RNF25: variants seen among roughly 807,000 people sequenced by gnomAD.
The protein encoded by RNF25 is E3 ubiquitin-protein ligase RNF25.
Under a neutral mutation model 65.0 loss-of-function variants are expected in RNF25, and 32 were observed. That is an observed-to-expected ratio of 0.49 (90% CI 0.37 to 0.66). RNF25 has a LOEUF of 0.66. Ranked by LOEUF, RNF25 falls within the 30% of genes least tolerant of loss-of-function variation. The probability of loss-of-function intolerance (pLI) is 0.00; values close to 1 mark genes in which losing one functional copy is unlikely to be tolerated. For missense variants in RNF25, 493 were observed against 584.8 expected (o/e 0.84, Z 1.62); for synonymous variants, 207 against 221.2 (o/e 0.94, Z 0.57).
Position 218,671,992 on chromosome 2 carries a change from G to T in RNF25, c.-22C>A. ...CCATATCTTCACCGGCCCGCAGCCG[G>T]AACCGGAAATGCCCTTAGGGAAGTC... On this transcript the variant is annotated 5_prime_UTR_variant, in exon 1 of 10. Coordinates refer to ENST00000295704, the MANE Select transcript of RNF25 (RefSeq NM_022453.3). 6.2e-7 allele frequency: 1 copy of T among 1,614,224 alleles called. No individual in the cohort carries two copies. Among genetic ancestry groups the T allele is most frequent in the Non-Finnish European group, 8.5e-7 (1 of 1,180,040 alleles).
rs773691382 is a variant in RNF25 at position 218,667,960 on chromosome 2, G to A, written c.309C>T (p.His103=). 81 of 1,614,084 alleles carry A rather than the reference G, an allele frequency of 5.0e-5. No homozygotes were observed. The highest frequency in any genetic ancestry group is 5.8e-5 in the Non-Finnish European group (69 of 1,180,042). Residue 103 remains histidine, a synonymous_variant, in exon 5 of 10, where the codon CAC becomes CAT. Coordinates refer to ENST00000295704, the MANE Select transcript of RNF25 (RefSeq NM_022453.3). ...CAGTGCCCAGCCCAGCCTTGGCCAC[G>A]TGGCCCAGCACCTGTAAGATCCTGG... ...QIHTILQVLG[H]VAKAGLGTAM...
intron 5 of RNF25, among the ~76,000 whole-genome samples, chr2:218,667,518 C>A (rs1266079023): frequency 6.6e-6 from 1 of 151,974 alleles, no homozygotes; most frequent in African/African-American, 2.4e-5. Flanking sequence ...GCCTGGCCAA[C>A]CATGACTTTT....
intron 7 of RNF25, 151 bp downstream of exon 7, chr2:218,665,765 C>G: frequency 1.9e-6 from 2 of 1,042,982 alleles, no homozygotes; most frequent in Non-Finnish European, 2.7e-6. Context: ...AAAGGATGCC[C>G]TTTATTCTGG....
Position 218,664,659 on chromosome 2 carries a change from C to A in RNF25, c.801+80G>T. The stretch of plus-strand genomic sequence containing the variant: ...TATCATCTTCCTGGTTAGAACAAAG[C>A]TCACTCTGGGGCCATGGCTGATTGG... On this transcript the variant is annotated intron_variant, in intron 9 of 9. Transcript: ENST00000295704. This position sits in a 1 kb window ranked among gnomAD's most constrained non-coding sequence, Gnocchi z 5.1. 6.3e-7 allele frequency: 1 copy of A among 1,597,284 alleles called. No individual in the cohort carries two copies. Among genetic ancestry groups the A allele is most frequent in the Admixed American group, 1.7e-5 (1 of 59,004 alleles).
intron 5 of RNF25, 114 bp downstream of exon 5, chr2:218,667,798 T>C: frequency 1.1e-6 from 1 of 932,634 alleles, no homozygotes; most frequent in Non-Finnish European, 1.6e-6. Context: ...AATTTAGGCC[T>C]TACCTAATGA....
intron 7 of RNF25, 90 bp downstream of exon 7, chr2:218,665,826 T>C (rs190718976): frequency 4.0e-6 from 6 of 1,503,148 alleles, no homozygotes; most frequent in Non-Finnish European, 4.5e-6. Context: ...CCTGAAAAAG[T>C]GAAGAGCCAC....
At chr2:218,668,395 TG>T in intron 2 of RNF25, 54 bp from the exon 3 acceptor site, 2 of 675,330 alleles carry the variant, frequency 3.0e-6, no homozygotes, top group Non-Finnish European at 2.4e-6. Flanking sequence ...GCTTGGGGGC[TG>T]GGGAGGATGG....
chr2:218,665,089 A>T, intron 8 of RNF25, 66 bp downstream of exon 8: 3 of 1,528,572 alleles, frequency 2.0e-6, no homozygotes, highest in Non-Finnish European at 1.8e-6. Flanking sequence ...CACAGACAAG[A>T]TGCCATTCCT....
At chr2:218,669,038 C>T (rs1224062674) in intron 1 of RNF25, among the ~76,000 whole-genome samples, 2 of 152,226 alleles carry the variant, frequency 1.3e-5, no homozygotes, top group African/African-American at 2.4e-5. Context: ...ATATGGCACT[C>T]ATTCATTAGC....
intron 5 of RNF25, 69 bp downstream of exon 5, chr2:218,667,843 T>C (rs1031236817): frequency 3.3e-5 from 47 of 1,421,596 alleles, no homozygotes; most frequent in African/African-American, 4.3e-5. Flanking sequence ...GCCCATGGTT[T>C]CCCTTTTACA....
chr2:218,671,365 T>C (rs1368594536), intron 1 of RNF25, among the ~76,000 whole-genome samples: 1 of 152,152 alleles, frequency 6.6e-6, no homozygotes, highest in Non-Finnish European at 1.5e-5. Context: ...ACATTGATCC[T>C]ACTTCCAAAT....
At chr2:218,670,222 G>A (rs1014723349) in intron 1 of RNF25, among the ~76,000 whole-genome samples, 8 of 142,910 alleles carry the variant, frequency 5.6e-5, no homozygotes, top group African/African-American at 2.2e-4. Context: ...AAAAAAAGAA[G>A]TTTCCCTGAA....
At position 218,666,072 on chromosome 2, in the gene RNF25, C is replaced by A. The variant is rs757490838; in HGVS notation, c.430-13G>T. The stretch of plus-strand genomic sequence containing the variant: ...AGGCCTCCTTCTCCTAGAGGGAAGG[C>A]AGATGTAGGGCACTAAGTCAGAGCT... On this transcript the variant is annotated splice_polypyrimidine_tract_variant and intron_variant, in intron 6 of 9. Coordinates refer to ENST00000295704, the MANE Select transcript of RNF25 (RefSeq NM_022453.3). The A allele has an allele frequency of 6.2e-7, 1 of 1,612,802 alleles. No individual in the cohort carries two copies. The highest frequency in any genetic ancestry group is 1.1e-5 in the South Asian group (1 of 91,008).
At chr2:218,668,740 G>T in intron 1 of RNF25, 61 bp from the exon 2 acceptor site, 1 of 1,146,370 alleles carries the variant, frequency 8.7e-7, no homozygotes, top group South Asian at 1.3e-5. Context: ...GCCTGCTAAG[G>T]CCAATAAAGG....
At chr2:218,670,200 TAAA>T (rs71403058) in intron 1 of RNF25, among the ~76,000 whole-genome samples, 7 of 120,672 alleles carry the variant, frequency 5.8e-5, no homozygotes, top group Admixed American at 1.7e-4. Context: ...CTCTGTCTCT[TAAA>T]AAAAAAAAAA....
intron 5 of RNF25, among the ~76,000 whole-genome samples, chr2:218,667,457 TCTC>T (rs1939846131): frequency 6.6e-6 from 1 of 151,726 alleles, no homozygotes; most frequent in Admixed American, 6.6e-5. Flanking sequence ...TTCAAGCGAT[TCTC>T]CTTCCTCAGC....
chr2:218,665,347 G>T, intron 7 of RNF25, 100 bp from the exon 8 acceptor site: 1 of 975,222 alleles, frequency 1.0e-6, no homozygotes, highest in Non-Finnish European at 1.5e-6. Context: ...GGACTAAAGG[G>T]CACAGGGACA....
Position 218,666,246 on chromosome 2 carries a change from A to G in RNF25, c.358-16T>C. 3.1e-6 allele frequency: 5 copies of G among 1,603,898 alleles called. No individual in the cohort carries two copies. Among genetic ancestry groups the G allele is most frequent in the Non-Finnish European group, 4.3e-6 (5 of 1,171,466 alleles). On this transcript the variant is annotated splice_polypyrimidine_tract_variant and intron_variant, in intron 5 of 9. Coordinates refer to ENST00000295704, the MANE Select transcript of RNF25 (RefSeq NM_022453.3). ...CCTTCCCTTTCTGAGGAGAGAAGAC[A>G]CTGATTAAACGGGGGTAGGGGGAAG...
At position 218,670,029 on chromosome 2, in the gene RNF25, A is replaced by G. The variant is rs550077100; in HGVS notation, c.42-1350T>C. On this transcript the variant is annotated intron_variant, in intron 1 of 9. Coordinates refer to ENST00000295704, the MANE Select transcript of RNF25 (RefSeq NM_022453.3). ...GGAGTTCGAGACCAGCCTGGGCAAC[A>G]AAGCGAGACACTATCTCTACAAAAA... Among the ~76,000 whole-genome samples the G allele has an allele frequency of 1.0e-3, 159 of 151,976 alleles. 1 individual carries two copies. The highest frequency in any genetic ancestry group is 3.6e-3 in the African/African-American group (148 of 41,434).
Sources: gnomAD v4.1 joint callset for allele counts (sites outside exome capture counted in the v4.1 genomes callset) on GRCh38, gnomAD v4.1.1 for gene constraint, Gnocchi (gnomAD v3.1) non-coding constraint, MANE v1.5 for transcripts, NCBI Gene and HGNC (gene_info 2026-07-23, HGNC 2026-07-21) for gene names.